Variants in TNXB observed in about 807,000 individuals in gnomAD.
TNXB encodes tenascin-X.
In TNXB, 183 loss-of-function variants were observed where a neutral mutation model predicts 340.5. The observed-to-expected ratio is 0.54, with a 90% CI of 0.48 to 0.61. The LOEUF is 0.61. Ranked by LOEUF, TNXB falls within the 20% of genes least tolerant of loss-of-function variation. The probability of loss-of-function intolerance (pLI) is 0.00; values close to 1 mark genes in which losing one functional copy is unlikely to be tolerated. For missense variants in TNXB, 4,613 were observed against 5,446.4 expected (o/e 0.85, Z 4.82); for synonymous variants, 2,121 against 2,314.5 (o/e 0.92, Z 2.40).
intron 26 of TNXB, 60 bp from the exon 27 acceptor site, chr6:32,050,381 A>T (rs1777209312): frequency 1.3e-6 from 2 of 1,584,698 alleles, no homozygotes; most frequent in South Asian, 1.1e-5. Flanking sequence ...CATAGAAAGG[A>T]TGTGTCACAA....
chr6:32,059,433 A>G (rs1456439412), intron 21 of TNXB, among the ~76,000 whole-genome samples: 12 of 149,684 alleles, frequency 8.0e-5, no homozygotes, highest in African/African-American at 3.0e-4. Context: ...AAAAAAAAAA[A>G]AAAGAAAAAG....
Position 32,042,735 on chromosome 6 carries a change from T to C in TNXB, c.12022A>G (p.Ser4008Gly), listed in dbSNP as rs1776529978. ...NARLQAMWGQ[S>G]LLPPVSTSFT... ...GAGGTGGACACGGGCGGCAGGAGGC[T>C]CTGGCCCCACATGGCCTGGAGCCGT... Residue 4008 changes from serine to glycine, a missense_variant, in exon 39 of 44, where the codon AGC (serine) becomes GGC (glycine). Coordinates refer to ENST00000644971, the MANE Select transcript of TNXB (RefSeq NM_001365276.2). 2.2e-6 allele frequency: 2 copies of C among 909,828 alleles called. No individual in the cohort carries two copies. The highest frequency in any genetic ancestry group is 3.3e-6 in the Non-Finnish European group (2 of 600,148). The allele number at this position is 909,828 out of a possible 1,614,324, so 56.4% of individuals were successfully genotyped here.
In TNXB at chr6:32,081,787, G is replaced by A. The variant is rs1369752367; in HGVS notation, c.3737-114C>T. On this transcript the variant is annotated intron_variant, in intron 9 of 43. Transcript: ENST00000644971. This position sits in a 1 kb window ranked among gnomAD's most constrained non-coding sequence, Gnocchi z 5.1. The stretch of plus-strand genomic sequence containing the variant: ...TGGGGGGTCACTAGTCCATTAATTC[G>A]AGTGCTAAACTTCTGGGAAGCCTGA... 1.8e-5 allele frequency: 13 copies of A among 724,270 alleles called. No individual in the cohort carries two copies. The highest frequency in any genetic ancestry group is 1.5e-4 in the South Asian group (8 of 52,434). The allele number at this position is 724,270 out of a possible 1,614,324, so 44.9% of individuals were successfully genotyped here. A position where few individuals can be genotyped will look rare whatever the true frequency, so the allele number is the denominator to read the frequency against.
At chr6:32,066,555 T>C (rs1778351234) in intron 18 of TNXB, among the ~76,000 whole-genome samples, 2 of 152,226 alleles carry the variant, frequency 1.3e-5, no homozygotes, top group African/African-American at 4.8e-5. Context: ...CGAAATGTTC[T>C]GGAACAGCAA....
At position 32,095,996 on chromosome 6, in the gene TNXB, G is replaced by C; in HGVS notation, c.1857C>G (p.Arg619=). 1 of 1,612,942 alleles carries C rather than the reference G, an allele frequency of 6.2e-7. No individual in the cohort carries two copies. ...TCCCGTGGCAGTTGGAGGGGCAGGT[G>C]CGGATGCTGCAGTCCTCACTCACGT... ...EGYVSEDCSI[R]TCPSNCHGRG... Residue 619 remains arginine (R), a synonymous_variant, in exon 3 of 44, where the codon CGC becomes CGG. Coordinates refer to ENST00000644971, the MANE Select transcript of TNXB (RefSeq NM_001365276.2).
Position 32,089,168 on chromosome 6 carries a change from C to T in TNXB, c.2515+55G>A. ...TCTGCCCTCCCGGAGGGCAGATTCC[C>T]TCTCTAGTCCAGATCTCCACTCAGG... On this transcript the variant is annotated intron_variant, in intron 5 of 43. Coordinates refer to ENST00000644971, the MANE Select transcript of TNXB (RefSeq NM_001365276.2). This position sits in a 1 kb window ranked among gnomAD's most constrained non-coding sequence, Gnocchi z 6.2. The T allele has an allele frequency of 1.3e-6, 2 of 1,564,060 alleles. No homozygotes were observed. Among genetic ancestry groups the T allele is most frequent in the Admixed American group, 1.8e-5 (1 of 56,252 alleles).
chr6:32,047,240 G>A lies in TNXB; in HGVS notation c.10324+494C>T, dbSNP rs1052728070. On this transcript the variant is annotated intron_variant, in intron 30 of 43. Coordinates refer to ENST00000644971, the MANE Select transcript of TNXB (RefSeq NM_001365276.2). This position sits in a 1 kb window ranked among gnomAD's most constrained non-coding sequence, Gnocchi z 6.2. Reference sequence around the variant, plus strand: ...TGGTCCTGGGAGTGGGGTGAGGGTCGGTGACCCACCACACCCCTTCCTCAG... The same window carrying A: ...TGGTCCTGGGAGTGGGGTGAGGGTCAGTGACCCACCACACCCCTTCCTCAG... 7.2e-5 allele frequency among the ~76,000 whole-genome samples: 11 copies of A among 152,326 alleles called. No individual in the cohort carries two copies. The highest frequency in any genetic ancestry group is 2.2e-4 in the African/African-American group (9 of 41,560).
At position 32,068,647 on chromosome 6, in the gene TNXB, G is replaced by A; in HGVS notation, c.5963C>T (p.Pro1988Leu). 6.2e-7 allele frequency: 1 copy of A among 1,613,962 alleles called. No individual in the cohort carries two copies. The highest frequency in any genetic ancestry group is 8.5e-7 in the Non-Finnish European group (1 of 1,179,880). Residue 1988 changes from proline to leucine, a missense_variant, in exon 17 of 44, where the codon CCT becomes CTT. Coordinates refer to ENST00000644971, the MANE Select transcript of TNXB (RefSeq NM_001365276.2). This position sits in a 1 kb window ranked among gnomAD's most constrained non-coding sequence, Gnocchi z 5.3. ...TGTCACGGTCAGCTCCCCCAGGCGA[G>A]GCTTGATGGGGGGCTCGGGGGTTGC... ...PTATPEPPIK[P>L]RLGELTVTDA... is the part of the protein sequence containing the mutation.
intron 24 of TNXB, among the ~76,000 whole-genome samples, chr6:32,054,464 C>A (rs1403433181): frequency 1.3e-5 from 2 of 152,230 alleles, no homozygotes; most frequent in Admixed American, 6.5e-5. Flanking sequence ...CCACTCAATC[C>A]TCAGTGTCTC....
intron 1 of TNXB, among the ~76,000 whole-genome samples, chr6:32,099,235 CT>C (rs11344952): frequency 0.4 from 56,170 of 141,044 alleles, 11,187 homozygotes; most frequent in African/African-American, 0.52. Context: ...CTCTCTCTCA[CT>C]TTTTTTTTTT....
chr6:32,049,710 G>A lies in TNXB; in HGVS notation c.9440-123C>T, dbSNP rs897471860. ...CATTTCAGAGAAGTCCATTCTTGGG[G>A]CTGGGTGGTCCTGCTCAGCTGACAG... On this transcript the variant is annotated intron_variant, in intron 27 of 43. Transcript: ENST00000644971. The surrounding 1 kb of genome is among the most constrained non-coding windows in gnomAD (Gnocchi z 4.5). 8.6e-6 allele frequency: 11 copies of A among 1,273,612 alleles called. No individual in the cohort carries two copies. The African/African-American group carries it at 1.3e-4, about 16-fold the overall frequency. The allele number at this position is 1,273,612 out of a possible 1,614,324, so 78.9% of individuals were successfully genotyped here.
Position 32,081,461 on chromosome 6 carries a change from G to A in TNXB, c.3949C>T (p.Pro1317Ser). 1 of 1,594,820 alleles carries A rather than the reference G, an allele frequency of 6.3e-7. No homozygotes were observed. The highest frequency in any genetic ancestry group is 8.5e-7 in the Non-Finnish European group (1 of 1,170,598). The change falls in exon 10 of 44, where the codon CCC (proline) becomes TCC (serine). Residue 1317 changes from proline to serine, a missense_variant. Transcript: ENST00000644971. This position sits in a 1 kb window ranked among gnomAD's most constrained non-coding sequence, Gnocchi z 5.1. ...VAGDENEVTV[P>S]GLDPDRKYKM... ...TACTTCCGGTCGGGATCCAGGCCGG[G>A]GACAGTAACCTCATTCTCATCCCCC...
In TNXB at chr6:32,085,918, G is replaced by A. The variant is rs201292165; in HGVS notation, c.2980C>T (p.Arg994Cys). ...QPDTFAYFQL[R>C]MRVPEGPGAH... ...CCCGGCCCCTCGGGCACCCGCATGCGCAGTTGGAAGTAGGCAAAGGTGTCA... is the reference window on the plus strand; with the variant it reads ...CCCGGCCCCTCGGGCACCCGCATGCACAGTTGGAAGTAGGCAAAGGTGTCA... The change falls in exon 7 of 44, where the codon CGC becomes TGC. Residue 994 changes from arginine (R) to cysteine (C), a missense_variant. Arg to Cys is a radical substitution (Grantham distance 180). This residue lies in a region of TNXB where 4,327 missense variants were observed against 4,859.4 expected (regional missense o/e 0.89). Coordinates refer to ENST00000644971, the MANE Select transcript of TNXB (RefSeq NM_001365276.2). This position sits in a 1 kb window ranked among gnomAD's most constrained non-coding sequence, Gnocchi z 6.4. 65 of 1,608,478 alleles carry A rather than the reference G, an allele frequency of 4.0e-5. No individual in the cohort carries two copies. The highest frequency in any genetic ancestry group is 4.8e-5 in the Non-Finnish European group (57 of 1,178,804).
At position 32,065,109 on chromosome 6, in the gene TNXB, C is replaced by T; in HGVS notation, c.6553G>A (p.Glu2185Lys). The T allele has an allele frequency of 6.4e-7, 1 of 1,572,204 alleles. No homozygotes were observed. The highest frequency in any genetic ancestry group is 8.6e-7 in the Non-Finnish European group (1 of 1,157,636). Residue 2185 changes from glutamate (E) to lysine (K), a missense_variant, in exon 19 of 44, where the codon GAG (glutamate) becomes AAG (lysine). By Grantham distance (56) the Glu-to-Lys change is moderately conservative. Transcript: ENST00000644971. ...GCAAGAGGAGCATCAGGGGACTCCT[C>T]TTCGGGGGCTAGGAAGAGATAGAAA... ...VSAVGVTAPE[E>K]ESPDAPLAKL...
In TNXB at chr6:32,057,538, C is replaced by T. The variant is rs191593878; in HGVS notation, c.7825+520G>A. 2.6e-4 allele frequency among the ~76,000 whole-genome samples: 40 copies of T among 152,326 alleles called. 2 individuals are homozygous for T. In the East Asian group the frequency reaches 7.5e-3, roughly 29 times the overall value. Reference sequence around the variant, plus strand: ...ACACAGGCACAGCTGCTGGGGCCATCTCAGCACAGACCTGGGCAACCACAT... The same window carrying T: ...ACACAGGCACAGCTGCTGGGGCCATTTCAGCACAGACCTGGGCAACCACAT... On this transcript the variant is annotated intron_variant, in intron 22 of 43. Transcript: ENST00000644971.
Position 32,069,162 on chromosome 6 carries a change from A to G in TNXB, c.5588-26T>C. 1 of 1,583,420 alleles carries G rather than the reference A, an allele frequency of 6.3e-7. No homozygotes were observed. The highest frequency in any genetic ancestry group is 8.6e-7 in the Non-Finnish European group (1 of 1,167,308). ...CTGGTTCACAGAGACAGGTAGAGACAGATGGCTGGTGTGTCGCTGCACCCA... is the reference window on the plus strand; with the variant it reads ...CTGGTTCACAGAGACAGGTAGAGACGGATGGCTGGTGTGTCGCTGCACCCA... On this transcript the variant is annotated intron_variant, in intron 15 of 43. Transcript: ENST00000644971. This position sits in a 1 kb window ranked among gnomAD's most constrained non-coding sequence, Gnocchi z 6.2.
intron 1 of TNXB, among the ~76,000 whole-genome samples, chr6:32,100,973 G>C (rs1006793306): frequency 6.6e-6 from 1 of 150,726 alleles, no homozygotes; most frequent in South Asian, 2.1e-4. Context: ...CCAGCTACTC[G>C]GGAGGCTGAG....
chr6:32,065,128 A>G lies in TNXB; in HGVS notation c.6545-11T>C. The G allele has an allele frequency of 6.5e-7, 1 of 1,541,886 alleles. No homozygotes were observed. The highest frequency in any genetic ancestry group is 1.2e-5 in the South Asian group (1 of 82,596). On this transcript the variant is annotated splice_polypyrimidine_tract_variant and intron_variant, in intron 18 of 43. Coordinates refer to ENST00000644971, the MANE Select transcript of TNXB (RefSeq NM_001365276.2). The stretch of plus-strand genomic sequence containing the variant: ...ACTCCTCTTCGGGGGCTAGGAAGAG[A>G]TAGAAACAGAATCTTTTCTCTTGCT...
chr6:32,042,478 C>G lies in TNXB; in HGVS notation c.12187G>C (p.Glu4063Gln). The G allele has an allele frequency of 6.2e-7, 1 of 1,612,760 alleles. No individual in the cohort carries two copies. Among genetic ancestry groups the G allele is most frequent in the South Asian group, 1.1e-5 (1 of 91,036 alleles). The change falls in exon 40 of 44, where the codon GAG becomes CAG. Residue 4063 changes from glutamate to glutamine, a missense_variant. Glu to Gln is a conservative substitution (Grantham distance 29). This residue lies in a region of TNXB where 121 missense variants were observed against 177.4 expected (regional missense o/e 0.68). Transcript: ENST00000644971. ...ERPLNVFCDM[E>Q]TDGGGWLVFQ... The stretch of plus-strand genomic sequence containing the variant: ...ACCAGCCAGCCGCCCCCATCAGTCT[C>G]CATGTCGCAAAACACGTTCAGGGGC...
Sources: gnomAD v4.1 joint callset for allele counts (sites outside exome capture counted in the v4.1 genomes callset) on GRCh38, gnomAD v4.1.1 for gene constraint, gnomAD v4.1.1 regional missense constraint, Gnocchi (gnomAD v3.1) non-coding constraint, MANE v1.5 for transcripts, NCBI Gene and HGNC (gene_info 2026-07-23, HGNC 2026-07-21) for gene names.